GALK2: variants seen among roughly 807,000 people sequenced by gnomAD.
The protein encoded by GALK2 is galactokinase 2, also known as N-acetylgalactosamine kinase.
In GALK2, 36 loss-of-function variants were observed where a neutral mutation model predicts 52.4. The observed-to-expected ratio is 0.69, with a 90% CI of 0.53 to 0.91. GALK2 has a LOEUF of 0.91. GALK2 is among the 40% of genes least tolerant of loss of function. The pLI is 0.00. For missense variants in GALK2, 579 were observed against 559.1 expected, an observed-to-expected ratio of 1.04 and a Z score of -0.36; for synonymous variants, 176 against 199.1, an observed-to-expected ratio of 0.88 and a Z score of 0.98.
At chr15:49,214,106 C>T (rs368970633) in intron 2 of GALK2, among the ~76,000 whole-genome samples, 4 of 152,072 alleles carry the variant, frequency 2.6e-5, no homozygotes, top group Admixed American at 1.3e-4. Context: ...GGCGACCGAG[C>T]AAGAGTCTGT....
chr15:49,156,497 G>T, intron 1 of GALK2: 1 of 497,202 alleles, frequency 2.0e-6, no homozygotes, highest in South Asian at 1.6e-5. Flanking sequence ...TCGTAAAGAT[G>T]ACAAGCTGCT....
At chr15:49,245,528 G>A (rs1249949769) in intron 5 of GALK2, among the ~76,000 whole-genome samples, 1 of 152,166 alleles carries the variant, frequency 6.6e-6, no homozygotes, top group Non-Finnish European at 1.5e-5. Context: ...AAGATGAAGA[G>A]ATGAGAAGGG....
At chr15:49,283,996 G>A (rs954468236) in intron 7 of GALK2, among the ~76,000 whole-genome samples, 3 of 152,056 alleles carry the variant, frequency 2.0e-5, no homozygotes, top group African/African-American at 7.2e-5. Context: ...AAGATAGTTG[G>A]GGACAATTGA....
rs182169388 is a variant in GALK2 at position 49,214,102 on chromosome 15, C to T, written c.143-3088C>T. Reference sequence around the variant, plus strand: ...GCCACTGCACTCCAGCCTGGGCGACCGAGCAAGAGTCTGTCTCAAAAACAA... The same window carrying T: ...GCCACTGCACTCCAGCCTGGGCGACTGAGCAAGAGTCTGTCTCAAAAACAA... On this transcript the variant is annotated intron_variant, in intron 2 of 9. Transcript: ENST00000560031. 8.8e-3 allele frequency among the ~76,000 whole-genome samples: 1,338 copies of T among 151,894 alleles called. 10 individuals carry two copies. The highest frequency in any genetic ancestry group is 0.014 in the Non-Finnish European group (921 of 67,948).
chr15:49,334,788 C>A (rs1385878959), downstream of GALK2, among the ~76,000 whole-genome samples: 1 of 152,124 alleles, frequency 6.6e-6, no homozygotes, highest in Non-Finnish European at 1.5e-5. Flanking sequence ...CATCCTTTCT[C>A]CCCTTAAAGG....
Position 49,222,597 on chromosome 15 carries a change from G to A in GALK2, c.266+5284G>A, listed in dbSNP as rs182925964. Among the ~76,000 whole-genome samples, 28 of 152,142 alleles carry A rather than the reference G, an allele frequency of 1.8e-4. No individual in the cohort carries two copies. In the East Asian group the frequency reaches 3.9e-3, roughly 21 times the overall value. ...TGCCTGATAATTGAGAGTTTTTATCGTGAAAGGATGTTGAATTTTATTACA... is the reference window on the plus strand; with the variant it reads ...TGCCTGATAATTGAGAGTTTTTATCATGAAAGGATGTTGAATTTTATTACA... On this transcript the variant is annotated intron_variant, in intron 3 of 9. Transcript: ENST00000560031.
Position 49,328,430 on chromosome 15 carries a change from A to AT in GALK2, c.*275dup, listed in dbSNP as rs1371769278. The stretch of plus-strand genomic sequence containing the variant: ...CTTACTGAGATTTATTGATTTGAAG[A>AT]TTTTAAAGATGAATGGTAAAACACA... On this transcript the variant is annotated 3_prime_UTR_variant, in exon 10 of 10. Coordinates refer to ENST00000560031, the MANE Select transcript of GALK2 (RefSeq NM_002044.4). The AT allele has an allele frequency of 2.1e-6, 3 of 1,444,714 alleles. No individual in the cohort carries two copies. Among genetic ancestry groups the AT allele is most frequent in the Non-Finnish European group, 2.7e-6 (3 of 1,100,584 alleles). The allele number at this position is 1,444,714 out of a possible 1,614,324, so 89.5% of individuals were successfully genotyped here.
chr15:49,231,916 C>T (rs1446025718), intron 3 of GALK2, among the ~76,000 whole-genome samples: 2 of 152,204 alleles, frequency 1.3e-5, no homozygotes, highest in Non-Finnish European at 1.5e-5. Flanking sequence ...TGTTCATGCA[C>T]CTGCGGCTTT....
chr15:49,342,750 G>A (rs1041224998), intron 3 of GALK2, among the ~76,000 whole-genome samples: 7 of 152,032 alleles, frequency 4.6e-5, no homozygotes, highest in East Asian at 1.9e-4. Flanking sequence ...TAGTGCTTGC[G>A]TGTCTGGAAG....
intron 8 of GALK2, among the ~76,000 whole-genome samples, chr15:49,315,183 C>T (rs1334299835): frequency 6.6e-6 from 1 of 152,070 alleles, no homozygotes; most frequent in Non-Finnish European, 1.5e-5. Context: ...GACGTATATC[C>T]CGCTTTGAAG....
intron 8 of GALK2, among the ~76,000 whole-genome samples, chr15:49,318,454 A>G (rs1204064652): frequency 1.3e-5 from 2 of 152,140 alleles, no homozygotes; most frequent in Non-Finnish European, 2.9e-5. Flanking sequence ...AGTTGTACAT[A>G]TAGTTTTGTA....
Position 49,217,200 on chromosome 15 carries a change from A to T in GALK2, c.153A>T (p.Ile51=), listed in dbSNP as rs1401151362. 2 of 1,610,312 alleles carry T rather than the reference A, an allele frequency of 1.2e-6. No homozygotes were observed. The highest frequency in any genetic ancestry group is 1.7e-6 in the Non-Finnish European group (2 of 1,176,894). Residue 51 remains isoleucine (I), a synonymous_variant, in exon 3 of 10, where the codon ATA becomes ATT. Transcript: ENST00000560031. ...PGRVNIIGEH[I]DYCGYSVLPM... The stretch of plus-strand genomic sequence containing the variant: ...TTCTCTTTTTTCTAGGAGAGCATAT[A>T]GATTATTGTGGATATTCTGTTCTTC...
chr15:49,182,068 C>G (rs1033079043), intron 1 of GALK2, among the ~76,000 whole-genome samples: 1 of 152,032 alleles, frequency 6.6e-6, no homozygotes, highest in Non-Finnish European at 1.5e-5. Flanking sequence ...AACTGTTATG[C>G]TGTCAAATAG....
chr15:49,351,974 G>C (rs1022151513), intron 3 of GALK2, among the ~76,000 whole-genome samples: 2 of 152,232 alleles, frequency 1.3e-5, no homozygotes, highest in African/African-American at 2.4e-5. Context: ...TCTAGGTGTT[G>C]ACTGAGCTCA....
rs143136439 is a variant in GALK2 at position 49,235,899 on chromosome 15, T to A, written c.315T>A (p.Pro105=). Residue 105 remains proline, a synonymous_variant, in exon 4 of 10, where the codon CCT becomes CCA. Coordinates refer to ENST00000560031, the MANE Select transcript of GALK2 (RefSeq NM_002044.4). ...ANNIQIDKTK[P]LWHNYFLCGL... Reference sequence around the variant, plus strand: ...ACATCCAGATTGATAAAACCAAGCCTTTGTGGCACAACTATTTCTTATGTG... The same window carrying A: ...ACATCCAGATTGATAAAACCAAGCCATTGTGGCACAACTATTTCTTATGTG... 153 of 1,613,674 alleles carry A rather than the reference T, an allele frequency of 9.5e-5. 1 individual carries two copies. In the African/African-American group the frequency reaches 1.8e-3, roughly 19 times the overall value.
chr15:49,333,100 C>G (rs2039085379), downstream of GALK2, among the ~76,000 whole-genome samples: 2 of 152,140 alleles, frequency 1.3e-5, no homozygotes, highest in African/African-American at 4.8e-5. Context: ...GTTAAAATCA[C>G]TCCCTCTTCC....
chr15:49,328,591 TGTA>T lies in GALK2; in HGVS notation c.*435_*437del, dbSNP rs1464856091. ...TCTTAGTATTCTTCTTCCTCAAAGT[TGTA>T]GTTGTCTGTTGATGATGGTGATGAT... On this transcript the variant is annotated 3_prime_UTR_variant, in exon 10 of 10. Transcript: ENST00000560031. 6.3e-7 allele frequency: 1 copy of T among 1,596,700 alleles called. No individual in the cohort carries two copies. The highest frequency in any genetic ancestry group is 1.3e-5 in the African/African-American group (1 of 74,958).
At position 49,328,173 on chromosome 15, in the gene GALK2, G is replaced by T; in HGVS notation, c.*14G>T. The T allele has an allele frequency of 1.9e-6, 3 of 1,607,826 alleles. No individual in the cohort carries two copies. The highest frequency in any genetic ancestry group is 1.1e-5 in the South Asian group (1 of 90,280). ...CTTGAGGCCTGAAAAAATGTAAAAA[G>T]TCTGAGAGAAACTACTTAGGGCACT... On this transcript the variant is annotated 3_prime_UTR_variant, in exon 10 of 10. Transcript: ENST00000560031.
chr15:49,290,083 G>T (rs531128850), intron 7 of GALK2, among the ~76,000 whole-genome samples: 64 of 152,248 alleles, frequency 4.2e-4, no homozygotes, highest in African/African-American at 1.5e-3. Context: ...ATAACCTATA[G>T]CCCTGACTTA....
Sources: gnomAD v4.1 joint callset for allele counts (sites outside exome capture counted in the v4.1 genomes callset) on GRCh38, gnomAD v4.1.1 for gene constraint, MANE v1.5 for transcripts, NCBI Gene and HGNC (gene_info 2026-07-23, HGNC 2026-07-21) for gene names.